TRAF5: variants seen among roughly 807,000 people sequenced by gnomAD.
TRAF5 encodes TNF receptor-associated factor 5.
Under a neutral mutation model 64.5 loss-of-function variants are expected in TRAF5, and 48 were observed. That is an observed-to-expected ratio of 0.74 (90% CI 0.59 to 0.95). TRAF5 has a LOEUF of 0.95. TRAF5 is among the 40% of genes least tolerant of loss of function. The probability of loss-of-function intolerance (pLI) is 0.00; values close to 1 mark genes in which losing one functional copy is unlikely to be tolerated. For missense variants in TRAF5, 545 were observed against 662.8 expected, an observed-to-expected ratio of 0.82 and a Z score of 1.95; for synonymous variants, 206 against 240.5, an observed-to-expected ratio of 0.86 and a Z score of 1.33.
intron 1 of TRAF5, among the ~76,000 whole-genome samples, chr1:211,344,453 G>A (rs1702533474): frequency 6.6e-6 from 1 of 152,242 alleles, no homozygotes; most frequent in African/African-American, 2.4e-5. Flanking sequence ...CCTGGGGCAA[G>A]AACAGTGCGT....
intron 1 of TRAF5, among the ~76,000 whole-genome samples, chr1:211,342,395 G>A (rs1702470386): frequency 1.3e-5 from 2 of 151,830 alleles, no homozygotes; most frequent in African/African-American, 2.4e-5. Context: ...TTGGCTACAT[G>A]AGATATTTTG....
chr1:211,350,263 GGAGTGCAGTGGCATAATCAT>G (rs1169323881), intron 1 of TRAF5, among the ~76,000 whole-genome samples: 2 of 149,798 alleles, frequency 1.3e-5, no homozygotes, highest in African/African-American at 4.9e-5. Flanking sequence ...CACCCGGGCT[GGAGTGCAGTGGCATAATCAT>G]GACTCGCTGT....
chr1:211,372,165 C>T lies in TRAF5; in HGVS notation c.1137C>T (p.His379=), dbSNP rs771498109. Residue 379 remains histidine (H), a synonymous_variant, in exon 11 of 11, where the codon CAC becomes CAT. Transcript: ENST00000261464. ...LEEETNKHDT[H]INIHKAQLSK... is the part of the protein sequence containing the mutation. ...AGGAAACTAACAAACATGATACCCA[C>T]ATTAATATTCATAAAGCACAGCTGA... 1.9e-5 allele frequency: 31 copies of T among 1,609,744 alleles called. No individual in the cohort carries two copies. Among genetic ancestry groups the T allele is most frequent in the Middle Eastern group, 3.3e-4 (2 of 6,028 alleles).
intron 8 of TRAF5, chr1:211,369,052 C>T (rs1703440871): frequency 1.3e-5 from 2 of 153,772 alleles, no homozygotes; most frequent in South Asian, 2.1e-4. Flanking sequence ...CCAGGCTAGA[C>T]TCAATCTCCT....
In TRAF5 at chr1:211,364,994, G is replaced by A. The variant is rs189642017; in HGVS notation, c.697-382G>A. Among the ~76,000 whole-genome samples, 4 of 152,112 alleles carry A rather than the reference G, an allele frequency of 2.6e-5. No individual in the cohort carries two copies. The East Asian group carries it at 5.8e-4, about 22-fold the overall frequency. ...TCGAGACCAGCCTGGCCAACATGGT[G>A]AAACTCTGTCTCTACTAAAAATACA... On this transcript the variant is annotated intron_variant, in intron 7 of 10. Coordinates refer to ENST00000261464, the MANE Select transcript of TRAF5 (RefSeq NM_001033910.3).
At chr1:211,365,212 C>T (rs1442121867) in intron 7 of TRAF5, among the ~76,000 whole-genome samples, 164 bp from the exon 8 acceptor site, 1 of 151,782 alleles carries the variant, frequency 6.6e-6, no homozygotes, top group Non-Finnish European at 1.5e-5. Flanking sequence ...GGAAAAGGGA[C>T]CCACTGGAGT....
rs939438054 is a variant in TRAF5 at position 211,371,302 on chromosome 1, G to A, written c.931G>A (p.Val311Ile). ...KNGSFLPNIQ[V>I]FASHIDKSAW... is the part of the protein sequence containing the mutation. The stretch of plus-strand genomic sequence containing the variant: ...ATGATTATCCATTTTGTAATGAAAG[G>A]TTTTTGCCAGTCACATTGACAAGTC... The change falls in exon 10 of 11, where the codon GTT (valine) becomes ATT (isoleucine). Residue 311 changes from valine (V) to isoleucine (I), a missense_variant and splice_region_variant. Coordinates refer to ENST00000261464, the MANE Select transcript of TRAF5 (RefSeq NM_001033910.3). 1.9e-6 allele frequency: 3 copies of A among 1,579,216 alleles called. No homozygotes were observed.
intron 5 of TRAF5, 107 bp downstream of exon 5, chr1:211,360,183 G>A (rs1227311296): frequency 2.4e-6 from 3 of 1,257,114 alleles, no homozygotes; most frequent in African/African-American, 3.0e-5. Context: ...ATTTATTTTT[G>A]TACAGAATTA....
intron 1 of TRAF5, among the ~76,000 whole-genome samples, chr1:211,345,301 C>A (rs1702569057): frequency 6.6e-6 from 1 of 152,122 alleles, no homozygotes; most frequent in Admixed American, 6.5e-5. Context: ...AGCAATCTTC[C>A]TGCCTCGGCC....
At chr1:211,356,001 C>A (rs1189487608) in intron 3 of TRAF5, among the ~76,000 whole-genome samples, 3 of 152,178 alleles carry the variant, frequency 2.0e-5, no homozygotes, top group African/African-American at 7.2e-5. Flanking sequence ...AGCACAGCCT[C>A]AGTGACACTG....
intron 1 of TRAF5, among the ~76,000 whole-genome samples, chr1:211,330,206 G>T (rs61851029): frequency 0.14 from 21,306 of 152,034 alleles, 1,519 homozygotes; most frequent in Middle Eastern, 0.16. Flanking sequence ...CGTGTGATGT[G>T]CAGGTCTTAG....
chr1:211,347,911 G>A (rs953848121), intron 1 of TRAF5, among the ~76,000 whole-genome samples: 4 of 152,220 alleles, frequency 2.6e-5, no homozygotes, highest in Admixed American at 1.3e-4. Flanking sequence ...CTTGAAATTA[G>A]CCATAGTGGA....
At chr1:211,351,031 CT>C (rs11426853) in intron 1 of TRAF5, among the ~76,000 whole-genome samples, 216 of 116,030 alleles carry the variant, frequency 1.9e-3, no homozygotes, top group African/African-American at 6.6e-3. Flanking sequence ...CTGGCCTCTT[CT>C]TTTTTTTTTT....
At chr1:211,329,292 T>G (rs1572047427) in intron 1 of TRAF5, among the ~76,000 whole-genome samples, 1 of 152,252 alleles carries the variant, frequency 6.6e-6, no homozygotes, top group East Asian at 1.9e-4. Flanking sequence ...TCCCTTGGGG[T>G]CTGAGCTGCC....
Position 211,360,057 on chromosome 1 carries a change from T to TG in TRAF5, c.526dup (p.Val176GlyfsTer9), listed in dbSNP as rs1703125768. On this transcript the variant is annotated frameshift_variant, in exon 5 of 11. Transcript: ENST00000261464. LOFTEE classifies it high-confidence loss of function. ...AAATGCCTTTATTGCAAAAAGGATGTGGTAGTCATCAATCTACAGGTGAAA... is the reference window on the plus strand; with the variant it reads ...AAATGCCTTTATTGCAAAAAGGATGTGGGTAGTCATCAATCTACAGGTGAAA... The TG allele has an allele frequency of 1.2e-6, 2 of 1,614,158 alleles. No individual in the cohort carries two copies. Among genetic ancestry groups the TG allele is most frequent in the African/African-American group, 1.3e-5 (1 of 75,058 alleles).
At chr1:211,369,014 T>C (rs919944774) in intron 8 of TRAF5, 1 of 152,704 alleles carries the variant, frequency 6.5e-6, no homozygotes, top group African/African-American at 2.4e-5. Context: ...TTTATTTTGT[T>C]TTAAGAGACA....
At chr1:211,352,148 AAG>A (rs1181201147) in intron 1 of TRAF5, among the ~76,000 whole-genome samples, 2 of 152,184 alleles carry the variant, frequency 1.3e-5, no homozygotes, top group Non-Finnish European at 2.9e-5. Flanking sequence ...ATTTATAAAA[AAG>A]AGAGGTTTAA....
chr1:211,356,043 GA>G (rs1181137163), intron 3 of TRAF5, among the ~76,000 whole-genome samples: 1 of 152,224 alleles, frequency 6.6e-6, no homozygotes, highest in African/African-American at 2.4e-5. Flanking sequence ...CCTGGGACAG[GA>G]AGCTGAAAGC....
chr1:211,341,774 A>G (rs1002809400), intron 1 of TRAF5, among the ~76,000 whole-genome samples: 2 of 152,236 alleles, frequency 1.3e-5, no homozygotes, highest in African/African-American at 4.8e-5. Context: ...TTGTTTCCTC[A>G]TCAGTGTCTG....
Sources: allele counts gnomAD v4.1 joint callset (sites outside exome capture counted in the v4.1 genomes callset), GRCh38; gene constraint gnomAD v4.1.1; transcripts MANE v1.5; gene names NCBI Gene and HGNC (gene_info 2026-07-23, HGNC 2026-07-21).